Variants in COL9A1 observed in about 807,000 individuals in gnomAD.
COL9A1 encodes the protein collagen alpha-1(IX) chain.
A neutral mutation model predicts 142.6 loss-of-function variants in COL9A1; 104 were observed. The observed-to-expected ratio is 0.73, with a 90% CI of 0.62 to 0.86. COL9A1 has a LOEUF of 0.86. Among genes scored for constraint, COL9A1 ranks in the 40% least tolerant of loss-of-function variants. The probability of loss-of-function intolerance (pLI) is 0.00; values close to 1 mark genes in which losing one functional copy is unlikely to be tolerated. For missense variants in COL9A1, 1,210 were observed against 1,176.6 expected (o/e 1.03, Z -0.42); for synonymous variants, 466 against 396.0 (o/e 1.18, Z -2.10).
intron 37 of COL9A1, among the ~76,000 whole-genome samples, chr6:70,224,138 A>G (rs1405210941): frequency 6.6e-6 from 1 of 152,248 alleles, no homozygotes; most frequent in Non-Finnish European, 1.5e-5. Flanking sequence ...AAGATCAGCT[A>G]AAATTAATAA....
chr6:70,285,517 A>G (rs73747738), intron 5 of COL9A1, among the ~76,000 whole-genome samples: 2,007 of 152,336 alleles, frequency 0.013, 31 homozygotes, highest in African/African-American at 0.045. Context: ...CTGACAAAGT[A>G]TATGTGAAAA....
chr6:70,217,376 A>G (rs1478365247), intron 37 of COL9A1, among the ~76,000 whole-genome samples: 1 of 152,156 alleles, frequency 6.6e-6, no homozygotes, highest in Admixed American at 6.5e-5. Flanking sequence ...ACAGGTGCCT[A>G]TTGAGAGCTG....
In COL9A1 at chr6:70,216,854, A is replaced by C. The variant is rs1768536393; in HGVS notation, c.*43T>G. On this transcript the variant is annotated 3_prime_UTR_variant, in exon 38 of 38. Coordinates refer to ENST00000357250, the MANE Select transcript of COL9A1 (RefSeq NM_001851.6). The stretch of plus-strand genomic sequence containing the variant: ...TGGTGTTTCTCACCCAGGCTCCTTC[A>C]CCAGGCGTGGTTCATGCAGACAGCC... 1 of 1,608,520 alleles carries C rather than the reference A, an allele frequency of 6.2e-7. No homozygotes were observed.
At position 70,274,181 on chromosome 6, in the gene COL9A1, T is replaced by C. The variant is rs938023175; in HGVS notation, c.1030-99A>G. 4.3e-6 allele frequency: 4 copies of C among 923,110 alleles called. No individual in the cohort carries two copies. The East Asian group carries it at 8.5e-5, about 20-fold the overall frequency. The allele number at this position is 923,110 out of a possible 1,614,324, so 57.2% of individuals were successfully genotyped here. On this transcript the variant is annotated intron_variant, in intron 11 of 37. Coordinates refer to ENST00000357250, the MANE Select transcript of COL9A1 (RefSeq NM_001851.6). ...TTGAAAGCATTAAAACACCCCATTA[T>C]GGTGTTTTTTTTTTTTAAATTTCCA...
intron 4 of COL9A1, 84 bp downstream of exon 4, chr6:70,299,959 T>A: frequency 7.6e-7 from 1 of 1,316,236 alleles, no homozygotes; most frequent in Non-Finnish European, 1.1e-6. Flanking sequence ...ACATTGATCA[T>A]AAGAAAACTC....
At chr6:70,292,457 T>C (rs956541379) in intron 5 of COL9A1, among the ~76,000 whole-genome samples, 3 of 152,214 alleles carry the variant, frequency 2.0e-5, no homozygotes, top group East Asian at 1.9e-4. Flanking sequence ...TAGAATAAAA[T>C]AGAAAGTAAT....
chr6:70,243,998 C>T (rs1357877298), intron 28 of COL9A1, among the ~76,000 whole-genome samples: 2 of 152,118 alleles, frequency 1.3e-5, no homozygotes, highest in Non-Finnish European at 2.9e-5. Flanking sequence ...ATAAATGCTT[C>T]TGATAAGATT....
At chr6:70,273,029 C>T (rs1772510097) in intron 12 of COL9A1, among the ~76,000 whole-genome samples, 1 of 152,008 alleles carries the variant, frequency 6.6e-6, no homozygotes, top group Admixed American at 6.6e-5. Context: ...ACTGGCTTTT[C>T]TAAAATATGA....
At chr6:70,254,738 A>T in intron 24 of COL9A1, 1 of 672,466 alleles carries the variant, frequency 1.5e-6, no homozygotes, top group Non-Finnish European at 2.6e-6. Flanking sequence ...CTCTCAACTT[A>T]CTTTCATCAA....
rs749881260 is a variant in COL9A1, at chr6:70,234,935, A to T, written c.2118T>A (p.Gly706=). 4 of 1,614,142 alleles carry T rather than the reference A, an allele frequency of 2.5e-6. No homozygotes were observed. Among genetic ancestry groups the T allele is most frequent in the Non-Finnish European group, 3.4e-6 (4 of 1,180,032 alleles). The part of the protein sequence containing the change: ...IGLPGPKGSA[G]NPGEPGLRGP... ...CTCTCAAGCCAGGTTCCCCAGGATT[A>T]CCTGCCTGGAACACAATTGCACACT... The change falls in exon 34 of 38, where the codon GGT becomes GGA. Residue 706 remains glycine, a synonymous_variant. Coordinates refer to ENST00000357250, the MANE Select transcript of COL9A1 (RefSeq NM_001851.6).
At chr6:70,243,675 A>G (rs556041285) in intron 28 of COL9A1, among the ~76,000 whole-genome samples, 2 of 152,234 alleles carry the variant, frequency 1.3e-5, no homozygotes, top group Non-Finnish European at 2.9e-5. Flanking sequence ...GTACAGGTGC[A>G]TGCCACCACG....
intron 20 of COL9A1, 121 bp from the exon 21 acceptor site, chr6:70,256,942 C>T: frequency 2.4e-6 from 2 of 832,792 alleles, no homozygotes; most frequent in South Asian, 1.5e-5. Flanking sequence ...CTGTAATACA[C>T]ACAGTGATCC....
chr6:70,240,508 T>G (rs889135594), intron 32 of COL9A1, among the ~76,000 whole-genome samples, 181 bp downstream of exon 32: 1 of 151,972 alleles, frequency 6.6e-6, no homozygotes, highest in African/African-American at 2.4e-5. Flanking sequence ...GGGAGACTTT[T>G]GTTAGCTGAT....
intron 37 of COL9A1, among the ~76,000 whole-genome samples, chr6:70,218,688 TC>T (rs373177713): frequency 6.6e-6 from 1 of 152,228 alleles, no homozygotes; most frequent in Non-Finnish European, 1.5e-5. Context: ...ATTTCAGTTG[TC>T]TTTTTATATG....
At chr6:70,247,434 T>C (rs1181612119) in intron 28 of COL9A1, among the ~76,000 whole-genome samples, 1 of 152,248 alleles carries the variant, frequency 6.6e-6, no homozygotes, top group Non-Finnish European at 1.5e-5. Flanking sequence ...CTCTAGCTTG[T>C]AATGGCTGTT....
In COL9A1 at chr6:70,274,792, A is replaced by G; in HGVS notation, c.976-20T>C. ...TAATCCCTAATAGAGCAAGACAATGATGTTAGAACTATCATAACATCCTTA... is the reference window on the plus strand; with the variant it reads ...TAATCCCTAATAGAGCAAGACAATGGTGTTAGAACTATCATAACATCCTTA... On this transcript the variant is annotated intron_variant, in intron 10 of 37. Coordinates refer to ENST00000357250, the MANE Select transcript of COL9A1 (RefSeq NM_001851.6). The G allele has an allele frequency of 6.2e-7, 1 of 1,603,974 alleles. No individual in the cohort carries two copies. The highest frequency in any genetic ancestry group is 8.5e-7 in the Non-Finnish European group (1 of 1,171,090).
chr6:70,295,168 G>A (rs1289328175), intron 4 of COL9A1, among the ~76,000 whole-genome samples: 1 of 149,982 alleles, frequency 6.7e-6, no homozygotes, highest in African/African-American at 2.5e-5. Flanking sequence ...GAGGATGTTT[G>A]TCTTTTTTTA....
chr6:70,264,408 CTCATAATTATAT>C (rs1224914389), intron 18 of COL9A1, among the ~76,000 whole-genome samples: 1 of 151,776 alleles, frequency 6.6e-6, no homozygotes, highest in Non-Finnish European at 1.5e-5. Flanking sequence ...TGGTTTTAGC[CTCATAATTATAT>C]TCAGATTATA....
chr6:70,298,050 T>C (rs1183506616), intron 4 of COL9A1, among the ~76,000 whole-genome samples: 1 of 152,214 alleles, frequency 6.6e-6, no homozygotes, highest in South Asian at 2.1e-4. Context: ...AGGAACATTG[T>C]CTACACCTCG....
Sources: allele counts gnomAD v4.1 joint callset (sites outside exome capture counted in the v4.1 genomes callset), GRCh38; gene constraint gnomAD v4.1.1; transcripts MANE v1.5; gene names NCBI Gene and HGNC (gene_info 2026-07-23, HGNC 2026-07-21).